CACNA1B: variants seen among roughly 807,000 people sequenced by gnomAD.
CACNA1B encodes calcium voltage-gated channel subunit alpha1 B, also known as voltage-dependent N-type calcium channel subunit alpha-1B.
In CACNA1B, 70 loss-of-function variants were observed where a neutral mutation model predicts 247.2. The observed-to-expected ratio is 0.28, with a 90% CI of 0.23 to 0.35. The LOEUF is 0.35. Among genes scored for constraint, CACNA1B ranks in the 10% least tolerant of loss-of-function variants. CACNA1B has a pLI of 1.00. For synonymous variants in CACNA1B, 1,231 were observed against 1,294.4 expected (o/e 0.95, Z 1.05); for missense variants, 2,367 against 3,197.4 (o/e 0.74, Z 6.26).
At chr9:138,119,462 G>A (rs868103650) in intron 44 of CACNA1B, among the ~76,000 whole-genome samples, 37 of 152,218 alleles carry the variant, frequency 2.4e-4, no homozygotes, top group Admixed American at 8.5e-4. Context: ...AAAAGTGACC[G>A]GAGCCCCCGT....
intron 21 of CACNA1B, among the ~76,000 whole-genome samples, chr9:138,046,084 C>T (rs1959183400): frequency 6.6e-6 from 1 of 152,232 alleles, no homozygotes; most frequent in Non-Finnish European, 1.5e-5. Context: ...TTACTGTGCA[C>T]TCTCACGTTG....
rs1958356587 is a variant in CACNA1B, at chr9:137,986,001, G to A, written c.1770-412G>A. Among the ~76,000 whole-genome samples, 1 of 152,236 alleles carries A rather than the reference G, an allele frequency of 6.6e-6. No individual in the cohort carries two copies. Among genetic ancestry groups the A allele is most frequent in the African/African-American group, 2.4e-5 (1 of 41,460 alleles). ...TCCGGTGTAGCTCTTCCTGCTGTGG[G>A]CTGATGACAACAGTTGTGGGACTTG... On this transcript the variant is annotated intron_variant, in intron 13 of 46. Coordinates refer to ENST00000371372, the MANE Select transcript of CACNA1B (RefSeq NM_000718.4). The surrounding 1 kb of genome is among the most constrained non-coding windows in gnomAD (Gnocchi z 6.0).
At chr9:137,902,897 A>C (rs1433260951) in intron 3 of CACNA1B, among the ~76,000 whole-genome samples, 1 of 152,194 alleles carries the variant, frequency 6.6e-6, no homozygotes, top group Non-Finnish European at 1.5e-5. Flanking sequence ...CCCACTGCCG[A>C]GTGTCCTCTG....
rs142798721 is a variant in CACNA1B at position 138,007,678 on chromosome 9, G to A, written c.2092+794G>A. On this transcript the variant is annotated intron_variant, in intron 16 of 46. Transcript: ENST00000371372. This position sits in a 1 kb window ranked among gnomAD's most constrained non-coding sequence, Gnocchi z 4.1. ...GGGCTGGGCTGGGGCCTGAGAATGT[G>A]CATTCTCACAGGCTGCAGGGGGAGC... Among the ~76,000 whole-genome samples the A allele has an allele frequency of 6.6e-6, 1 of 152,270 alleles. No homozygotes were observed. Among genetic ancestry groups the A allele is most frequent in the Non-Finnish European group, 1.5e-5 (1 of 68,002 alleles).
Position 138,053,939 on chromosome 9 carries a change from G to A in CACNA1B, c.3901G>A (p.Val1301Met). ...CATGTTCATATTTGCCGTCATTGCG[G>A]TGCAGCTCTTCAAAGGGAAGTTTTT... ...LFMFIFAVIA[V>M]QLFKGKFFYC... The change falls in exon 26 of 47, where the codon GTG (valine) becomes ATG (methionine). Residue 1301 changes from valine (V) to methionine (M), a missense_variant. Physicochemically the swap from Val to Met is conservative, Grantham distance 21. Coordinates refer to ENST00000371372, the MANE Select transcript of CACNA1B (RefSeq NM_000718.4). The A allele has an allele frequency of 6.2e-7, 1 of 1,613,730 alleles. No individual in the cohort carries two copies. The highest frequency in any genetic ancestry group is 8.5e-7 in the Non-Finnish European group (1 of 1,179,628).
rs963665454 is a variant in CACNA1B at position 137,891,866 on chromosome 9, C to T, written c.530+8983C>T. 2.0e-4 allele frequency: 72 copies of T among 360,574 alleles called. No individual in the cohort carries two copies. Among genetic ancestry groups the T allele is most frequent in the African/African-American group, 1.5e-3 (69 of 46,934 alleles). The allele number at this position is 360,574 out of a possible 1,614,324, so 22.3% of individuals were successfully genotyped here. ...TCATTCCTAGCAGGTCACATGGTAG[C>T]ACCCCCCACCCAGTCCCTGCCCTCT... On this transcript the variant is annotated intron_variant, in intron 3 of 46. Coordinates refer to ENST00000371372, the MANE Select transcript of CACNA1B (RefSeq NM_000718.4). The surrounding 1 kb of genome is among the most constrained non-coding windows in gnomAD (Gnocchi z 4.3).
Position 137,899,009 on chromosome 9 carries a change from C to T in CACNA1B, c.531-14171C>T, listed in dbSNP as rs1957202595. Among the ~76,000 whole-genome samples, 1 of 152,016 alleles carries T rather than the reference C, an allele frequency of 6.6e-6. No homozygotes were observed. The highest frequency in any genetic ancestry group is 1.5e-5 in the Non-Finnish European group (1 of 68,008). ...CTGGTTTAAAACTCCTGGACTCAAG[C>T]AGTCCTCCCGCCTCAGCTTTCCAAA... is the stretch of plus-strand genomic sequence containing the variant. On this transcript the variant is annotated intron_variant, in intron 3 of 46. Transcript: ENST00000371372. The surrounding 1 kb of genome is among the most constrained non-coding windows in gnomAD (Gnocchi z 5.0).
intron 6 of CACNA1B, among the ~76,000 whole-genome samples, chr9:137,923,006 G>A (rs1957504778): frequency 6.6e-6 from 1 of 152,184 alleles, no homozygotes; most frequent in African/African-American, 2.4e-5. Context: ...TAGTCATTTT[G>A]AGAATGTTAC....
At chr9:137,879,201 C>G in intron 2 of CACNA1B, 42 bp downstream of exon 2, 1 of 1,280,524 alleles carries the variant, frequency 7.8e-7, no homozygotes, top group Non-Finnish European at 1.1e-6. Context: ...GGTGGGGAGG[C>G]CGCGACTCCA....
At chr9:138,120,527 C>T in intron 45 of CACNA1B, 104 bp from the exon 46 acceptor site, 1 of 1,399,336 alleles carries the variant, frequency 7.1e-7, no homozygotes, top group Non-Finnish European at 9.5e-7. Flanking sequence ...TAACCCTCAC[C>T]CTAGCCTCCC....
chr9:137,978,941 G>T (rs1425275078), intron 12 of CACNA1B, among the ~76,000 whole-genome samples: 1 of 152,178 alleles, frequency 6.6e-6, no homozygotes. Flanking sequence ...GATTTCAGTA[G>T]ACAGTGGGAA....
chr9:138,038,778 CCTGA>C (rs2133461395), intron 20 of CACNA1B, among the ~76,000 whole-genome samples: 1 of 152,356 alleles, frequency 6.6e-6, no homozygotes, highest in Non-Finnish European at 1.5e-5. Context: ...TTCTGTAGAA[CCTGA>C]CTGGAGATGC....
At chr9:138,085,898 G>A (rs1179419430) in intron 36 of CACNA1B, among the ~76,000 whole-genome samples, 1 of 151,284 alleles carries the variant, frequency 6.6e-6, no homozygotes, top group Non-Finnish European at 1.5e-5. Context: ...AAATACACAA[G>A]GGAGTCCTAC....
At chr9:137,936,376 G>T (rs1177266075) in intron 6 of CACNA1B, among the ~76,000 whole-genome samples, 1 of 152,176 alleles carries the variant, frequency 6.6e-6, no homozygotes, top group East Asian at 1.9e-4. Flanking sequence ...GTGCATTCTG[G>T]ATATTAGCCC....
At chr9:138,114,566 C>A (rs1030834078) in intron 41 of CACNA1B, 76 bp downstream of exon 41, 9 of 692,754 alleles carry the variant, frequency 1.3e-5, no homozygotes, top group African/African-American at 1.3e-4. Context: ...GGGTTGACGA[C>A]GGGGGAGATG....
At chr9:138,117,853 T>G (rs2131370567) in intron 42 of CACNA1B, 93 bp from the exon 43 acceptor site, 1 of 980,882 alleles carries the variant, frequency 1.0e-6, no homozygotes, top group Non-Finnish European at 1.5e-6. Context: ...GCTGCATGTG[T>G]TGGAGACGCC....
intron 6 of CACNA1B, among the ~76,000 whole-genome samples, chr9:137,922,777 C>T (rs1298241137): frequency 1.3e-5 from 2 of 152,016 alleles, no homozygotes; most frequent in Non-Finnish European, 2.9e-5. Flanking sequence ...CCCTTTTCTC[C>T]CAGTGGTGAC....
chr9:137,966,847 A>G (rs980421321), intron 10 of CACNA1B, among the ~76,000 whole-genome samples: 10 of 151,984 alleles, frequency 6.6e-5, no homozygotes, highest in Non-Finnish European at 1.5e-4. Context: ...CAATTTTTTA[A>G]AATTTTATTT....
chr9:138,121,498 G>A lies in CACNA1B; in HGVS notation c.6519G>A (p.Leu2173=). The A allele has an allele frequency of 2.6e-6, 4 of 1,538,316 alleles. No homozygotes were observed. Among genetic ancestry groups the A allele is most frequent in the Non-Finnish European group, 3.5e-6 (4 of 1,141,910 alleles). The change falls in exon 47 of 47, where the codon TTG becomes TTA. Residue 2173 remains leucine (L), a synonymous_variant. Coordinates refer to ENST00000371372, the MANE Select transcript of CACNA1B (RefSeq NM_000718.4). The surrounding 1 kb of genome is among the most constrained non-coding windows in gnomAD (Gnocchi z 6.8). The part of the protein sequence containing the change: ...QGSGSVNGSP[L]LSTSGASTPG... ...GTGGTTCCGTGAATGGGAGCCCCTTGCTGTCAACATCTGGTGCTAGCACCC... is the reference window on the plus strand; with the variant it reads ...GTGGTTCCGTGAATGGGAGCCCCTTACTGTCAACATCTGGTGCTAGCACCC...
Sources: allele counts gnomAD v4.1 joint callset (sites outside exome capture counted in the v4.1 genomes callset), GRCh38; gene constraint gnomAD v4.1.1; non-coding constraint Gnocchi (gnomAD v3.1); transcripts MANE v1.5; gene names NCBI Gene and HGNC (gene_info 2026-07-23, HGNC 2026-07-21).